Variants in RIPOR2 observed in about 807,000 individuals in gnomAD.
The protein encoded by RIPOR2 is RHO family interacting cell polarization regulator 2, also known as rho family-interacting cell polarization regulator 2.
A neutral mutation model predicts 114.5 loss-of-function variants in RIPOR2; 39 were observed. The ratio of observed to expected loss-of-function variants is 0.34; its 90% CI spans 0.26 to 0.44. The LOEUF (loss-of-function observed/expected upper bound fraction) is 0.44, where lower values mean the gene tolerates loss of function less well. Ranked by LOEUF, RIPOR2 falls within the 20% of genes least tolerant of loss-of-function variation. RIPOR2 has a pLI of 1.00. For missense variants in RIPOR2, 1,007 were observed against 1,255.1 expected (o/e 0.80, Z 2.99); for synonymous variants, 445 against 484.4 (o/e 0.92, Z 1.07).
At chr6:24,935,795 G>C in intron 1 of RIPOR2, 43 bp downstream of exon 1, 1 of 1,436,280 alleles carries the variant, frequency 7.0e-7, no homozygotes, top group Non-Finnish European at 9.5e-7. Flanking sequence ...TCAAAACAAA[G>C]CAAAGCAGAC....
chr6:24,924,531 C>G (rs1258089607), intron 1 of RIPOR2, among the ~76,000 whole-genome samples: 1 of 152,110 alleles, frequency 6.6e-6, no homozygotes, highest in Non-Finnish European at 1.5e-5. Flanking sequence ...TAGGATGTTG[C>G]CTTCTGTTCC....
intron 1 of RIPOR2, among the ~76,000 whole-genome samples, chr6:24,890,222 T>C (rs895437944): frequency 1.3e-5 from 2 of 152,196 alleles, no homozygotes; most frequent in African/African-American, 4.8e-5. Flanking sequence ...TGTAGCACTA[T>C]TCACAATAGC....
At chr6:24,927,287 C>T (rs111218645) in intron 1 of RIPOR2, among the ~76,000 whole-genome samples, 5,728 of 17,854 alleles carry the variant, frequency 0.32, 1,336 homozygotes, top group East Asian at 0.67. Context: ...ACCACCACCA[C>T]CACCACCACC....
At chr6:24,928,669 C>A (rs1334594611) in intron 1 of RIPOR2, among the ~76,000 whole-genome samples, 1 of 152,164 alleles carries the variant, frequency 6.6e-6, no homozygotes, top group Non-Finnish European at 1.5e-5. Context: ...AAAGAAAAAT[C>A]TGTGGAGAAA....
rs189674765 is a variant in RIPOR2, at chr6:24,959,519, C to T, written c.76+82332G>A. Among the ~76,000 whole-genome samples the T allele has an allele frequency of 7.9e-5, 12 of 152,286 alleles. No individual in the cohort carries two copies. The East Asian group carries it at 1.7e-3, about 22-fold the overall frequency. ...GGGTGGCCTCACTTCTGGTTAACCA[C>T]GGATGTAGTGCTGAAACCCAATGGG... On this transcript the variant is annotated intron_variant, in intron 1 of 13. Transcript: ENST00000510784.
intron 10 of RIPOR2, 117 bp downstream of exon 10, chr6:24,850,480 G>A (rs112696984): frequency 3.6e-5 from 38 of 1,060,188 alleles, no homozygotes; most frequent in African/African-American, 3.3e-4. Flanking sequence ...TAATAGACTT[G>A]TGCAGAAAAG....
At chr6:25,027,155 T>A (rs1015979231) in intron 1 of RIPOR2, among the ~76,000 whole-genome samples, 2 of 152,188 alleles carry the variant, frequency 1.3e-5, no homozygotes, top group Non-Finnish European at 2.9e-5. Flanking sequence ...TAATAAAAAA[T>A]AATTTAGGTG....
At chr6:24,902,108 A>G (rs189754810) in intron 1 of RIPOR2, among the ~76,000 whole-genome samples, 1 of 152,212 alleles carries the variant, frequency 6.6e-6, no homozygotes, top group African/African-American at 2.4e-5. Flanking sequence ...AAAGACCAGC[A>G]GTCAACTGGC....
chr6:24,873,155 A>G (rs1562295692), intron 3 of RIPOR2, among the ~76,000 whole-genome samples, 196 bp from the exon 4 acceptor site: 1 of 152,204 alleles, frequency 6.6e-6, no homozygotes, highest in Non-Finnish European at 1.5e-5. Flanking sequence ...TCCAGCTGGG[A>G]AAGTAGAAAA....
intron 8 of RIPOR2, among the ~76,000 whole-genome samples, chr6:24,859,080 C>G (rs534277939): frequency 6.6e-6 from 1 of 152,278 alleles, no homozygotes; most frequent in African/African-American, 2.4e-5. Flanking sequence ...ACAAAGAACC[C>G]TGGAATTCAG....
At position 24,817,978 on chromosome 6, in the gene RIPOR2, C is replaced by CTTTTTTTTTTTTTTTTTTT. The variant is rs57294288; in HGVS notation, c.2952+563_2952+564insAAAAAAAAAAAAAAAAAAA. Among the ~76,000 whole-genome samples, 11 of 118,362 alleles carry CTTTTTTTTTTTTTTTTTTT rather than the reference C, an allele frequency of 9.3e-5. 1 individual carries two copies. Among genetic ancestry groups the CTTTTTTTTTTTTTTTTTTT allele is most frequent in the Non-Finnish European group, 1.0e-4 (6 of 59,044 alleles). The allele number at this position is 118,362 out of a possible 152,430, so 77.7% of individuals were successfully genotyped here. On this transcript the variant is annotated intron_variant, in intron 20 of 21. Transcript: ENST00000643898. ...ATACTTTCCTTTTCTCTCTCTCTCT[C>CTTTTTTTTTTTTTTTTTTT]TTTTTTTTTGAGACAGAGTCTGGCT... is the stretch of plus-strand genomic sequence containing the variant.
chr6:24,956,677 T>C (rs1773057618), intron 1 of RIPOR2, among the ~76,000 whole-genome samples: 3 of 49,600 alleles, frequency 6.0e-5, no homozygotes. Flanking sequence ...GCTATGGACC[T>C]AGGCAGTCTG....
chr6:24,910,990 CTG>C, intron 1 of RIPOR2: 1 of 985,000 alleles, frequency 1.0e-6, no homozygotes, highest in Non-Finnish European at 1.2e-6. Context: ...TGGACGCGAG[CTG>C]TCCCCAGCGC....
intron 21 of RIPOR2, 38 bp from the exon 22 acceptor site, chr6:24,806,511 CAACGTTTTTA>C (rs1562205742): frequency 7.7e-6 from 11 of 1,424,500 alleles, no homozygotes; most frequent in East Asian, 2.5e-5. Flanking sequence ...CCAATTCAAA[CAACGTTTTTA>C]TTAATTACTC....
chr6:25,007,496 G>A (rs1336071823), intron 1 of RIPOR2, among the ~76,000 whole-genome samples: 1 of 152,036 alleles, frequency 6.6e-6, no homozygotes, highest in African/African-American at 2.4e-5. Flanking sequence ...AAAATGAGTG[G>A]GTTTTCCCTA....
In RIPOR2 at chr6:24,842,965, T is replaced by A. The variant is rs755368317; in HGVS notation, c.1754A>T (p.Asp585Val). 2 of 1,536,554 alleles carry A rather than the reference T, an allele frequency of 1.3e-6. No homozygotes were observed. Among genetic ancestry groups the A allele is most frequent in the South Asian group, 2.6e-5 (2 of 78,198 alleles). The change falls in exon 13 of 22, where the codon GAT (aspartate) becomes GTT (valine). Residue 585 changes from aspartate (D) to valine (V), a missense_variant. Transcript: ENST00000643898. ...CRSFLDGSLE[D>V]AFNGLLLALE... ...TGCAAGTAAAAGCCCATTAAAAGCA[T>A]CCTCTAAGCTTCCATCTAGAAAGGA...
At chr6:24,808,225 T>C (rs1780903960) in intron 21 of RIPOR2, among the ~76,000 whole-genome samples, 1 of 152,162 alleles carries the variant, frequency 6.6e-6, no homozygotes, top group African/African-American at 2.4e-5. Flanking sequence ...GATGCTGCTG[T>C]TTGCACAGCT....
intron 9 of RIPOR2, 112 bp from the exon 10 acceptor site, chr6:24,850,834 C>T (rs1762819916): frequency 6.8e-6 from 8 of 1,178,784 alleles, no homozygotes; most frequent in Non-Finnish European, 9.9e-6. Flanking sequence ...CCGCTTCTCC[C>T]TTACTCTCCC....
intron 1 of RIPOR2, among the ~76,000 whole-genome samples, chr6:24,921,166 C>T (rs912102803): frequency 2.0e-5 from 3 of 151,920 alleles, no homozygotes; most frequent in African/African-American, 7.3e-5. Context: ...CTCTCTCTCT[C>T]TCTTTTTTTT....
Sources: gnomAD v4.1 joint callset for allele counts (sites outside exome capture counted in the v4.1 genomes callset) on GRCh38, gnomAD v4.1.1 for gene constraint, MANE v1.5 for transcripts, NCBI Gene and HGNC (gene_info 2026-07-23, HGNC 2026-07-21) for gene names.